RNF145: variants seen among roughly 807,000 people sequenced by gnomAD.
RNF145 encodes the protein ring finger protein 145.
RNF145 carries 12 observed loss-of-function variants against 57.3 expected under a neutral mutation model. The ratio of observed to expected loss-of-function variants is 0.21; its 90% CI spans 0.13 to 0.34. The LOEUF is 0.34. Among genes scored for constraint, RNF145 ranks in the 10% least tolerant of loss-of-function variants. RNF145 has a pLI of 1.00. For synonymous variants in RNF145, 262 were observed against 288.3 expected (o/e 0.91, Z 0.92); for missense variants, 429 against 799.0 (o/e 0.54, Z 5.58).
intron 3 of RNF145, among the ~76,000 whole-genome samples, chr5:159,183,524 T>G (rs1784961700): frequency 6.6e-6 from 1 of 152,072 alleles, no homozygotes; most frequent in African/African-American, 2.4e-5. Flanking sequence ...AAATATCTGA[T>G]TACTATAGGT....
At chr5:159,181,692 A>G (rs1784897709) in intron 4 of RNF145, among the ~76,000 whole-genome samples, 1 of 151,554 alleles carries the variant, frequency 6.6e-6, no homozygotes, top group East Asian at 1.9e-4. Context: ...TCTATTTAAA[A>G]ATTAATCTTC....
At chr5:159,198,005 C>T (rs547358082) in intron 2 of RNF145, among the ~76,000 whole-genome samples, 5 of 152,076 alleles carry the variant, frequency 3.3e-5, no homozygotes, top group African/African-American at 4.8e-5. Context: ...CTTTGGGAGG[C>T]CAAAGCAGAA....
chr5:159,169,658 A>T, intron 7 of RNF145, 21 bp downstream of exon 7: 1 of 1,554,040 alleles, frequency 6.4e-7, no homozygotes, highest in Non-Finnish European at 8.7e-7. Context: ...ATTTCTAGAT[A>T]TAATCAAGGA....
intron 3 of RNF145, among the ~76,000 whole-genome samples, chr5:159,184,991 C>T (rs1383005898): frequency 4.6e-5 from 7 of 152,184 alleles, no homozygotes; most frequent in Non-Finnish European, 8.8e-5. Context: ...CACTCGCTCT[C>T]CTTACTTTGT....
chr5:159,169,095 T>G (rs774182650), intron 7 of RNF145, 40 bp from the exon 8 acceptor site: 1 of 1,408,092 alleles, frequency 7.1e-7, no homozygotes, highest in South Asian at 1.5e-5. Flanking sequence ...TAAAATAATC[T>G]GAATCTCATT....
intron 4 of RNF145, among the ~76,000 whole-genome samples, chr5:159,177,321 A>T (rs951070083): frequency 2.0e-5 from 3 of 152,074 alleles, no homozygotes; most frequent in Admixed American, 6.6e-5. Context: ...TGTTCTGATA[A>T]TTTTTTAATC....
upstream of RNF145, chr5:159,209,818 C>T (rs753561747): frequency 1.7e-5 from 26 of 1,532,886 alleles, no homozygotes; most frequent in Non-Finnish European, 2.2e-5. Context: ...CACTCCCAAA[C>T]ACCACGGGCC....
chr5:159,199,985 G>A (rs1785605217), intron 2 of RNF145, among the ~76,000 whole-genome samples: 1 of 151,942 alleles, frequency 6.6e-6, no homozygotes, highest in Admixed American at 6.6e-5. Flanking sequence ...AAGACATAAA[G>A]GGGGAAAAAC....
chr5:159,209,600 G>T, upstream of RNF145: 4 of 1,053,830 alleles, frequency 3.8e-6, no homozygotes, highest in Non-Finnish European at 3.5e-6. Flanking sequence ...GCGCGGCCCA[G>T]CCAGCGCGGC....
At chr5:159,201,643 A>C (rs1056945530) in intron 2 of RNF145, among the ~76,000 whole-genome samples, 7 of 152,220 alleles carry the variant, frequency 4.6e-5, no homozygotes, top group South Asian at 2.1e-4. Context: ...TTATGGCTCC[A>C]CATACATCAC....
chr5:159,202,134 G>C (rs184852542), intron 2 of RNF145, among the ~76,000 whole-genome samples: 1 of 152,102 alleles, frequency 6.6e-6, no homozygotes, highest in Non-Finnish European at 1.5e-5. Flanking sequence ...AATTGTACTC[G>C]AAAACATTCA....
chr5:159,189,953 T>C (rs985394240), intron 3 of RNF145, among the ~76,000 whole-genome samples: 1 of 152,120 alleles, frequency 6.6e-6, no homozygotes, highest in Non-Finnish European at 1.5e-5. Context: ...GGTATGAAGT[T>C]TCTTTCTGGG....
intron 8 of RNF145, among the ~76,000 whole-genome samples, chr5:159,168,141 T>C (rs573039815): frequency 6.6e-5 from 10 of 152,306 alleles, no homozygotes; most frequent in African/African-American, 2.4e-4. Context: ...GTTTGGCTTT[T>C]ATCCCTCACA....
rs185647214 is a variant in RNF145 at position 159,171,416 on chromosome 5, A to G, written c.798-1597T>C. On this transcript the variant is annotated intron_variant, in intron 6 of 10. Coordinates refer to ENST00000424310, the MANE Select transcript of RNF145 (RefSeq NM_001199383.2). ...TAGAAACATTTTTTACACCCACACA[A>G]TATGATTTAATTACGTATTCAAACA... Among the ~76,000 whole-genome samples the G allele has an allele frequency of 4.3e-4, 66 of 152,184 alleles. 1 individual carries two copies. The East Asian group carries it at 0.011, about 25-fold the overall frequency.
At chr5:159,184,000 AAAGGGAGAGAGGTCAGCTCC>A (rs1784980797) in intron 3 of RNF145, among the ~76,000 whole-genome samples, 1 of 152,240 alleles carries the variant, frequency 6.6e-6, no homozygotes. Flanking sequence ...TTACATTAGA[AAAGGGAGAGAGGTCAGCTCC>A]AAGAGCACTA....
intron 6 of RNF145, 107 bp from the exon 7 acceptor site, chr5:159,169,926 A>C (rs1164409893): frequency 1.3e-6 from 1 of 787,742 alleles, no homozygotes; most frequent in African/African-American, 1.8e-5. Flanking sequence ...TCATTAATTA[A>C]AACATCCTAA....
intron 2 of RNF145, 152 bp downstream of exon 2, chr5:159,203,282 A>G: frequency 3.3e-6 from 2 of 609,368 alleles, no homozygotes; most frequent in Admixed American, 2.9e-5. Flanking sequence ...CAATGATAAG[A>G]CAAAACTATC....
At chr5:159,180,593 G>A (rs960768753) in intron 4 of RNF145, among the ~76,000 whole-genome samples, 4 of 152,050 alleles carry the variant, frequency 2.6e-5, no homozygotes, top group South Asian at 2.1e-4. Flanking sequence ...GAATTATAAT[G>A]TAAGCCAAAT....
At chr5:159,165,941 T>C (rs1362754856) in intron 8 of RNF145, among the ~76,000 whole-genome samples, 1 of 152,172 alleles carries the variant, frequency 6.6e-6, no homozygotes, top group Non-Finnish European at 1.5e-5. Context: ...CTTCTACATG[T>C]CTCCTACTGT....
Sources: gnomAD v4.1 joint callset for allele counts (sites outside exome capture counted in the v4.1 genomes callset) on GRCh38, gnomAD v4.1.1 for gene constraint, MANE v1.5 for transcripts, NCBI Gene and HGNC (gene_info 2026-07-23, HGNC 2026-07-21) for gene names.